PALLD: variants seen among roughly 807,000 people sequenced by gnomAD.
PALLD encodes the protein palladin, cytoskeletal associated protein.
A neutral mutation model predicts 123.5 loss-of-function variants in PALLD; 61 were observed. The observed-to-expected ratio is 0.49, with a 90% CI of 0.40 to 0.61. The LOEUF is 0.61. Ranked by LOEUF, PALLD falls within the 20% of genes least tolerant of loss-of-function variation. The pLI is 0.00. For synonymous variants in PALLD, 465 were observed against 496.4 expected, an observed-to-expected ratio of 0.94 and a Z score of 0.84; for missense variants, 1,273 against 1,377.0, an observed-to-expected ratio of 0.92 and a Z score of 1.20.
At chr4:168,783,864 C>T (rs997136918) in intron 10 of PALLD, among the ~76,000 whole-genome samples, 1 of 152,126 alleles carries the variant, frequency 6.6e-6, no homozygotes, top group Non-Finnish European at 1.5e-5. Flanking sequence ...TGTCCACTAC[C>T]TTCAGGACAA....
chr4:168,841,140 C>T lies in PALLD; in HGVS notation c.1965-49782C>T, dbSNP rs201452883. 8.5e-5 allele frequency among the ~76,000 whole-genome samples: 13 copies of T among 152,270 alleles called. No individual in the cohort carries two copies. The East Asian group carries it at 1.7e-3, about 20-fold the overall frequency. ...CTGAGATTACAGGTGTGAGCCTCTG[C>T]GCCCGGCCCACTATATAAATGTTTA... On this transcript the variant is annotated intron_variant, in intron 10 of 21. Coordinates refer to ENST00000505667, the MANE Select transcript of PALLD (RefSeq NM_001166108.2).
intron 2 of PALLD, among the ~76,000 whole-genome samples, chr4:168,531,687 T>C (rs1287425916): frequency 6.6e-6 from 1 of 152,180 alleles, no homozygotes. Context: ...AAATCCTCCC[T>C]CACATTGATG....
At chr4:168,537,566 C>G (rs1335658280) in intron 2 of PALLD, 3 of 152,104 alleles carry the variant, frequency 2.0e-5, no homozygotes, top group Admixed American at 6.5e-5. Flanking sequence ...ATCAACCAGC[C>G]AAGAGCAGAA....
At chr4:168,586,337 A>C (rs981488743) in intron 2 of PALLD, among the ~76,000 whole-genome samples, 3 of 152,034 alleles carry the variant, frequency 2.0e-5, no homozygotes, top group Admixed American at 6.6e-5. Context: ...TCTTAAGAAT[A>C]TAGAGAACGT....
chr4:168,732,644 A>G (rs1280042357), intron 10 of PALLD, among the ~76,000 whole-genome samples: 4 of 152,222 alleles, frequency 2.6e-5, no homozygotes. Flanking sequence ...TTCCAAAGGT[A>G]AAAATGACCT....
chr4:168,839,831 G>A (rs1474785438), intron 10 of PALLD, among the ~76,000 whole-genome samples: 2 of 152,162 alleles, frequency 1.3e-5, no homozygotes, highest in Non-Finnish European at 2.9e-5. Context: ...CTTGGGAGAG[G>A]ATGAGTTTGC....
In PALLD at chr4:168,528,528, G is replaced by C. The variant is rs530332328; in HGVS notation, c.908+16116G>C. Among the ~76,000 whole-genome samples, 32 of 152,298 alleles carry C rather than the reference G, an allele frequency of 2.1e-4. No homozygotes were observed. In the South Asian group the frequency reaches 4.2e-3, roughly 20 times the overall value. ...TTTTTTACAAAGGAATTTATATACT[G>C]TCTCTCATCCAGTTATCTCGCAAGC... On this transcript the variant is annotated intron_variant, in intron 2 of 21. Coordinates refer to ENST00000505667, the MANE Select transcript of PALLD (RefSeq NM_001166108.2).
chr4:168,636,836 C>T (rs1776393695), intron 2 of PALLD, among the ~76,000 whole-genome samples: 1 of 152,152 alleles, frequency 6.6e-6, no homozygotes, highest in Admixed American at 6.5e-5. Flanking sequence ...AAACGAGGAG[C>T]TACAGAGCCA....
At chr4:168,642,960 A>G (rs1777104293) in intron 2 of PALLD, among the ~76,000 whole-genome samples, 1 of 152,236 alleles carries the variant, frequency 6.6e-6, no homozygotes, top group Admixed American at 6.5e-5. Context: ...TTGAGAAGAC[A>G]GCAAAGTATT....
intron 8 of PALLD, among the ~76,000 whole-genome samples, chr4:168,692,996 C>T (rs898650035): frequency 6.6e-6 from 1 of 152,232 alleles, no homozygotes; most frequent in Non-Finnish European, 1.5e-5. Context: ...AATATGCTAG[C>T]TAAGGAAGAA....
Position 168,909,691 on chromosome 4 carries a change from A to C in PALLD, c.2623-4236A>C, listed in dbSNP as rs142089375. ...AGCAAATGCAGCAGCATTAATGTGCATCAGAGCCTACTAACTATGATTACC... is the reference window on the plus strand; with the variant it reads ...AGCAAATGCAGCAGCATTAATGTGCCTCAGAGCCTACTAACTATGATTACC... On this transcript the variant is annotated intron_variant, in intron 15 of 21. Coordinates refer to ENST00000505667, the MANE Select transcript of PALLD (RefSeq NM_001166108.2). Among the ~76,000 whole-genome samples the C allele has an allele frequency of 4.6e-3, 698 of 152,336 alleles. 7 individuals are homozygous for C. Among genetic ancestry groups the C allele is most frequent in the Admixed American group, 5.6e-3 (85 of 15,296 alleles).
intron 10 of PALLD, among the ~76,000 whole-genome samples, chr4:168,816,413 ATTTT>A (rs1554088403): frequency 2.4e-4 from 32 of 135,988 alleles, no homozygotes; most frequent in African/African-American, 8.1e-4. Flanking sequence ...ATATATATAT[ATTTT>A]TTTTAAGTAT....
At chr4:168,666,921 A>G (rs1779714569) in intron 2 of PALLD, among the ~76,000 whole-genome samples, 2 of 152,342 alleles carry the variant, frequency 1.3e-5, no homozygotes, top group South Asian at 2.1e-4. Context: ...AAAGAAAACC[A>G]TACAGTGCCC....
chr4:168,514,655 T>C (rs566745815), intron 2 of PALLD, among the ~76,000 whole-genome samples: 4 of 152,356 alleles, frequency 2.6e-5, no homozygotes, highest in Admixed American at 2.6e-4. Context: ...CCTATCAATC[T>C]TGCAAATAAA....
chr4:168,694,866 A>G (rs1252709931), intron 8 of PALLD, among the ~76,000 whole-genome samples: 1 of 152,204 alleles, frequency 6.6e-6, no homozygotes, highest in Non-Finnish European at 1.5e-5. Flanking sequence ...TCCGTTTGTC[A>G]TAGTACCTTC....
chr4:168,599,176 C>A (rs1772296723), intron 2 of PALLD, among the ~76,000 whole-genome samples: 1 of 152,074 alleles, frequency 6.6e-6, no homozygotes, highest in Admixed American at 6.6e-5. Flanking sequence ...GTAGTCATAA[C>A]CAATTGTGGT....
chr4:168,614,045 T>A (rs1561306081), intron 2 of PALLD, among the ~76,000 whole-genome samples: 1 of 152,232 alleles, frequency 6.6e-6, no homozygotes, highest in Non-Finnish European at 1.5e-5. Context: ...TTAAGTCATG[T>A]CATAAGTAAT....
chr4:168,749,479 G>C (rs1210967920), intron 10 of PALLD, among the ~76,000 whole-genome samples: 1 of 151,858 alleles, frequency 6.6e-6, no homozygotes, highest in Non-Finnish European at 1.5e-5. Flanking sequence ...GGCCGAGGCA[G>C]TTGGATCACC....
At chr4:168,509,042 T>C (rs4058185) in intron 1 of PALLD, among the ~76,000 whole-genome samples, 45,831 of 152,090 alleles carry the variant, frequency 0.3, 7,549 homozygotes, top group East Asian at 0.57. Context: ...CATTGCTGGA[T>C]TGGCTCTGGT....
Sources: gnomAD v4.1 joint callset for allele counts (sites outside exome capture counted in the v4.1 genomes callset) on GRCh38, gnomAD v4.1.1 for gene constraint, MANE v1.5 for transcripts, NCBI Gene and HGNC (gene_info 2026-07-23, HGNC 2026-07-21) for gene names.